Variants in TBC1D2B observed in about 807,000 individuals in gnomAD.
The protein encoded by TBC1D2B is TBC1 domain family member 2B.
Under a neutral mutation model 100.8 loss-of-function variants are expected in TBC1D2B, and 64 were observed. The ratio of observed to expected loss-of-function variants is 0.64; its 90% confidence interval spans 0.52 to 0.78. The LOEUF (loss-of-function observed/expected upper bound fraction) is 0.78. Ranked by LOEUF, TBC1D2B falls within the 30% of genes least tolerant of loss-of-function variation. The probability of loss-of-function intolerance (pLI) is 0.00; values close to 1 mark genes in which losing one functional copy is unlikely to be tolerated. For synonymous variants in TBC1D2B, 480 were observed against 479.7 expected, an observed-to-expected ratio of 1.00 and a Z score of -0.01; for missense variants, 1,052 against 1,218.4, an observed-to-expected ratio of 0.86 and a Z score of 2.03.
At position 77,998,005 on chromosome 15, in the gene TBC1D2B, G is replaced by A. The variant is rs534245836; in HGVS notation, c.*155C>T. The A allele has an allele frequency of 7.2e-5, 48 of 662,840 alleles. No individual in the cohort carries two copies. Among genetic ancestry groups the A allele is most frequent in the African/African-American group, 5.2e-4 (28 of 53,832 alleles). 41.1% of individuals were successfully genotyped at this position (662,840 alleles called of 1,614,324 possible). A position where few individuals can be genotyped will look rare whatever the true frequency, so the allele number is the denominator to read the frequency against. The stretch of plus-strand genomic sequence containing the variant: ...ATTAGACCTCCCACCCCTGCCCCCC[G>A]CACAGTGGGAAATGAGGAAGGGCAG... On this transcript the variant is annotated 3_prime_UTR_variant, in exon 13 of 13. Coordinates refer to ENST00000300584, the MANE Select transcript of TBC1D2B (RefSeq NM_144572.2).
intron 1 of TBC1D2B, among the ~76,000 whole-genome samples, chr15:78,067,006 G>C (rs76362395): frequency 0.012 from 1,860 of 152,228 alleles, 17 homozygotes; most frequent in Middle Eastern, 0.027. Flanking sequence ...ATGGTTAAAG[G>C]TACAATTTGA....
chr15:78,015,574 C>T (rs533078424), intron 8 of TBC1D2B, among the ~76,000 whole-genome samples: 2 of 152,342 alleles, frequency 1.3e-5, no homozygotes, highest in Admixed American at 6.5e-5. Flanking sequence ...CAATGCCCAG[C>T]GTACTGGTGG....
At position 78,013,286 on chromosome 15, in the gene TBC1D2B, G is replaced by C. The variant is rs371143501; in HGVS notation, c.1807C>G (p.Pro603Ala). 1.2e-6 allele frequency: 2 copies of C among 1,613,484 alleles called. No homozygotes were observed. Among genetic ancestry groups the C allele is most frequent in the Non-Finnish European group, 1.7e-6 (2 of 1,179,770 alleles). Residue 603 changes from proline (P) to alanine (A), a missense_variant, in exon 9 of 13, where the codon CCT becomes GCT. This residue lies in a region of TBC1D2B where 373 missense variants were observed against 464.9 expected (regional missense o/e 0.80). Transcript: ENST00000300584. Reference sequence around the variant, plus strand: ...AATTTCTCTTCCTCATCATCCTCAGGTACAGTCCTGAACCCATAAATATCA... The same window carrying C: ...AATTTCTCTTCCTCATCATCCTCAGCTACAGTCCTGAACCCATAAATATCA... ...EYDIYGFRTV[P>A]EDDEEEKLVA...
At chr15:78,073,444 T>C in intron 1 of TBC1D2B, among the ~76,000 whole-genome samples, 1 of 152,210 alleles carries the variant, frequency 6.6e-6, no homozygotes, top group Non-Finnish European at 1.5e-5. Flanking sequence ...TGTAAAATTA[T>C]ATACCACTAG....
chr15:77,996,302 T>TG lies in TBC1D2B; in HGVS notation c.*1857dup, dbSNP rs1257545004. ...CTTAGCCCCAGGACATGGCAGTGTG[T>TG]GCTGGCATGTTCCAGGGGCCATTGG... On this transcript the variant is annotated 3_prime_UTR_variant, in exon 13 of 13. Transcript: ENST00000300584. 6.6e-6 allele frequency: 1 copy of TG among 152,114 alleles called. No homozygotes were observed. Among genetic ancestry groups the TG allele is most frequent in the Non-Finnish European group, 1.5e-5 (1 of 68,040 alleles). The allele number at this position is 152,114 out of a possible 1,614,324, so 9.4% of individuals were successfully genotyped here.
chr15:78,073,364 T>C (rs1478715643), intron 1 of TBC1D2B, among the ~76,000 whole-genome samples: 3 of 152,150 alleles, frequency 2.0e-5, no homozygotes, highest in African/African-American at 7.2e-5. Context: ...AAGAAAAACA[T>C]ATGATAATAG....
intron 5 of TBC1D2B, among the ~76,000 whole-genome samples, 155 bp downstream of exon 5, chr15:78,025,104 G>A (rs911155543): frequency 1.3e-5 from 2 of 152,108 alleles, no homozygotes; most frequent in African/African-American, 4.8e-5. Context: ...GTGCCTAGAT[G>A]ACCGCCATGG....
rs2072635093 is a variant in TBC1D2B, at chr15:78,025,365, C to A, written c.980G>T (p.Gly327Val). The change falls in exon 5 of 13, where the codon GGC (glycine) becomes GTC (valine). Residue 327 changes from glycine (G) to valine (V), a missense_variant. Transcript: ENST00000300584. ...SGDPSSEGTSGSGSVSIRKPA... is the reference protein window; with the variant it reads ...SGDPSSEGTSVSGSVSIRKPA... ...CTTCCTGATGCTGACGCTGCCACTG[C>A]CTGATGTGCCTTCACTTGAAGGGTC... The A allele has an allele frequency of 1.9e-6, 3 of 1,613,908 alleles. No homozygotes were observed. Among genetic ancestry groups the A allele is most frequent in the Middle Eastern group, 1.7e-4 (1 of 6,044 alleles).
chr15:78,001,506 C>G (rs927109445), intron 12 of TBC1D2B, 113 bp downstream of exon 12: 7 of 1,339,234 alleles, frequency 5.2e-6, no homozygotes, highest in Non-Finnish European at 6.9e-6. Context: ...CTCTCCAACA[C>G]TGTACACCGG....
intron 1 of TBC1D2B, among the ~76,000 whole-genome samples, chr15:78,070,301 A>G (rs552251776): frequency 6.6e-6 from 1 of 151,956 alleles, no homozygotes; most frequent in South Asian, 2.1e-4. Flanking sequence ...TCTCAGCTCA[A>G]ATGTCGCTTC....
At chr15:78,001,365 T>C (rs557873402) in intron 12 of TBC1D2B, among the ~76,000 whole-genome samples, 1 of 152,328 alleles carries the variant, frequency 6.6e-6, no homozygotes, top group Admixed American at 6.5e-5. Context: ...TCTAGACAAA[T>C]GAAACTATTG....
chr15:77,998,951 C>T (rs1185179828), intron 12 of TBC1D2B: 1 of 180,898 alleles, frequency 5.5e-6, no homozygotes, highest in Admixed American at 5.7e-5. Context: ...GTCAAGGCTC[C>T]AATTTTCAAT....
At position 77,995,165 on chromosome 15, in the gene TBC1D2B, C is replaced by T. The variant is rs1027919444; in HGVS notation, c.*2995G>A. On this transcript the variant is annotated 3_prime_UTR_variant, in exon 13 of 13. Coordinates refer to ENST00000300584, the MANE Select transcript of TBC1D2B (RefSeq NM_144572.2). ...GGCACACAGTGGGTCTCTGTATGGC[C>T]TCCCACCTGCAAGGACTTCCCCGGG... The T allele has an allele frequency of 6.6e-6, 1 of 152,160 alleles. No individual in the cohort carries two copies. The highest frequency in any genetic ancestry group is 1.5e-5 in the Non-Finnish European group (1 of 68,036). 9.4% of individuals were successfully genotyped at this position (152,160 alleles called of 1,614,324 possible).
At chr15:78,060,050 C>T (rs963788020) in intron 1 of TBC1D2B, among the ~76,000 whole-genome samples, 2 of 152,144 alleles carry the variant, frequency 1.3e-5, no homozygotes, top group South Asian at 2.1e-4. Context: ...TACTAATGTT[C>T]ACATTCTTTG....
At chr15:78,075,492 T>C (rs977156425) in intron 1 of TBC1D2B, among the ~76,000 whole-genome samples, 1 of 152,136 alleles carries the variant, frequency 6.6e-6, no homozygotes, top group Non-Finnish European at 1.5e-5. Context: ...CAGATTATTT[T>C]AATGAAAAAA....
rs1351237492 is a variant in TBC1D2B at position 78,006,041 on chromosome 15, T to C, written c.2389-2551A>G. The stretch of plus-strand genomic sequence containing the variant: ...AGTCTATGTGAGGGGGGTATTACTC[T>C]CATCTTACATATGGGGAAACTGAGG... On this transcript the variant is annotated intron_variant, in intron 10 of 12. Coordinates refer to ENST00000300584, the MANE Select transcript of TBC1D2B (RefSeq NM_144572.2). 2.0e-5 allele frequency among the ~76,000 whole-genome samples: 3 copies of C among 152,178 alleles called. No individual in the cohort carries two copies. The East Asian group carries it at 5.8e-4, about 29-fold the overall frequency.
chr15:78,039,769 C>A (rs1250906144), intron 3 of TBC1D2B, among the ~76,000 whole-genome samples: 1 of 151,914 alleles, frequency 6.6e-6, no homozygotes, highest in African/African-American at 2.4e-5. Context: ...CACACACACA[C>A]ACACACACAC....
In TBC1D2B at chr15:78,077,410, G is replaced by C. The variant is rs766898768; in HGVS notation, c.243C>G (p.His81Gln). Residue 81 changes from histidine to glutamine, a missense_variant, in exon 1 of 13, where the codon CAC (histidine) becomes CAG (glutamine). His to Gln is a conservative substitution (Grantham distance 24). This residue lies in a region of TBC1D2B where 627 missense variants were observed against 646.1 expected (regional missense o/e 0.97). Coordinates refer to ENST00000300584, the MANE Select transcript of TBC1D2B (RefSeq NM_144572.2). ...KSPQDALPLG[H>Q]LDIADACFSY... Reference sequence around the variant, plus strand: ...TGAAGCAGGCGTCCGCGATGTCCAAGTGGCCGAGGGGCAGCGCGTCCTGCG... The same window carrying C: ...TGAAGCAGGCGTCCGCGATGTCCAACTGGCCGAGGGGCAGCGCGTCCTGCG... 57 of 1,546,380 alleles carry C rather than the reference G, an allele frequency of 3.7e-5. No homozygotes were observed. The highest frequency in any genetic ancestry group is 1.3e-4 in the South Asian group (11 of 83,694).
In TBC1D2B at chr15:77,996,069, T is replaced by C. The variant is rs1325495099; in HGVS notation, c.*2091A>G. On this transcript the variant is annotated 3_prime_UTR_variant, in exon 13 of 13. Coordinates refer to ENST00000300584, the MANE Select transcript of TBC1D2B (RefSeq NM_144572.2). Reference sequence around the variant, plus strand: ...TGCCTTCTGGACACGCATCACTTGATTCCAGGCAGGAGAACCTCTGAGAAA... The same window carrying C: ...TGCCTTCTGGACACGCATCACTTGACTCCAGGCAGGAGAACCTCTGAGAAA... The C allele has an allele frequency of 3.3e-5, 5 of 151,854 alleles. No homozygotes were observed. The highest frequency in any genetic ancestry group is 2.0e-4 in the Admixed American group (3 of 15,184). The allele number at this position is 151,854 out of a possible 1,614,324, so 9.4% of individuals were successfully genotyped here.
Sources: allele counts gnomAD v4.1 joint callset (sites outside exome capture counted in the v4.1 genomes callset), GRCh38; gene constraint gnomAD v4.1.1; regional missense constraint gnomAD v4.1.1; transcripts MANE v1.5; gene names NCBI Gene and HGNC (gene_info 2026-07-23, HGNC 2026-07-21).